NFAT5: variants seen among roughly 807,000 people sequenced by gnomAD.
NFAT5 encodes the protein nuclear factor of activated T-cells 5.
NFAT5 carries 31 observed loss-of-function variants against 166.5 expected under a neutral mutation model. The ratio of observed to expected loss-of-function variants is 0.19; its 90% CI spans 0.14 to 0.25. The LOEUF (loss-of-function observed/expected upper bound fraction) is 0.25, where lower values mean the gene tolerates loss of function less well. Ranked by LOEUF, NFAT5 falls within the 10% of genes least tolerant of loss-of-function variation. The pLI, the probability that NFAT5 is intolerant of heterozygous loss-of-function variation, is 1.00. For synonymous variants in NFAT5, 612 were observed against 639.7 expected (o/e 0.96, Z 0.65); for missense variants, 1,449 against 1,821.8 (o/e 0.80, Z 3.72).
At chr16:69,570,730 A>T (rs2142896220) in intron 2 of NFAT5, among the ~76,000 whole-genome samples, 1 of 152,246 alleles carries the variant, frequency 6.6e-6, no homozygotes, top group South Asian at 2.1e-4. Context: ...CGCTTCTAGT[A>T]TATAGTATAT....
chr16:69,687,157 C>G (rs1322523845), intron 11 of NFAT5, among the ~76,000 whole-genome samples: 1 of 151,978 alleles, frequency 6.6e-6, no homozygotes, highest in African/African-American at 2.4e-5. Flanking sequence ...AAAATTGGAA[C>G]AAGGCCAGAT....
chr16:69,570,553 T>C (rs2016368186), intron 2 of NFAT5, among the ~76,000 whole-genome samples: 1 of 140,282 alleles, frequency 7.1e-6, no homozygotes, highest in Non-Finnish European at 1.5e-5. Flanking sequence ...GACTTTCTTA[T>C]ATTAATTATT....
intron 10 of NFAT5, among the ~76,000 whole-genome samples, chr16:69,678,555 C>T (rs1418749878): frequency 2.0e-5 from 3 of 152,130 alleles, no homozygotes; most frequent in Non-Finnish European, 4.4e-5. Context: ...TATGAAGTGT[C>T]TCACAAGTTA....
At chr16:69,677,004 A>T (rs994122628) in intron 9 of NFAT5, 199 bp from the exon 10 acceptor site, 2 of 509,550 alleles carry the variant, frequency 3.9e-6, no homozygotes, top group African/African-American at 4.0e-5. Flanking sequence ...CTTGTAAGCC[A>T]TTATAAAACA....
At chr16:69,607,731 T>C (rs1474966649) in intron 2 of NFAT5, among the ~76,000 whole-genome samples, 1 of 152,222 alleles carries the variant, frequency 6.6e-6, no homozygotes, top group African/African-American at 2.4e-5. Flanking sequence ...ACTTGTGACT[T>C]CTTCTGAAAA....
Position 69,566,330 on chromosome 16 carries a change from G to C in NFAT5, c.29G>C (p.Ser10Thr). Residue 10 changes from serine (S) to threonine (T), a missense_variant, in exon 1 of 15, where the codon AGC becomes ACC. Ser to Thr is a moderately conservative substitution (Grantham distance 58, BLOSUM62 1). Around this residue, in one of 7 missense-constraint regions of NFAT5, gnomAD observed 172 missense variants for 194.5 expected, o/e 0.88. Transcript: ENST00000349945. This position sits in a 1 kb window ranked among gnomAD's most constrained non-coding sequence, Gnocchi z 5.7. MPSDFISLL[S>T]ADLDLESPKS... ...CCCTCGGACTTCATCTCATTGCTCA[G>C]CGCGGACCTAGACCTGGAATCGCCC... 7 of 1,608,750 alleles carry C rather than the reference G, an allele frequency of 4.4e-6. No individual in the cohort carries two copies. The highest frequency in any genetic ancestry group is 1.7e-5 in the Admixed American group (1 of 59,628).
chr16:69,570,587 A>G (rs2016370705), intron 2 of NFAT5, among the ~76,000 whole-genome samples: 1 of 151,950 alleles, frequency 6.6e-6, no homozygotes, highest in South Asian at 2.1e-4. Flanking sequence ...AATTGTTAAT[A>G]TAATTATTGT....
chr16:69,589,460 A>G (rs1261438069), intron 2 of NFAT5, among the ~76,000 whole-genome samples: 1 of 152,226 alleles, frequency 6.6e-6, no homozygotes, highest in African/African-American at 2.4e-5. Context: ...GCTATATAAT[A>G]AGACAGATAA....
At chr16:69,635,425 C>T (rs555278540) in intron 3 of NFAT5, among the ~76,000 whole-genome samples, 30 of 152,056 alleles carry the variant, frequency 2.0e-4, no homozygotes, top group Admixed American at 7.2e-4. Context: ...TTTGAAGTTT[C>T]GCACACCAGT....
intron 2 of NFAT5, among the ~76,000 whole-genome samples, chr16:69,598,589 G>T (rs922175014): frequency 3.3e-5 from 5 of 152,076 alleles, no homozygotes; most frequent in African/African-American, 1.2e-4. Flanking sequence ...AAATTGAGAT[G>T]CTTATGGGAT....
chr16:69,626,324 A>G (rs1008010326), intron 2 of NFAT5, 79 bp from the exon 3 acceptor site: 9 of 1,286,440 alleles, frequency 7.0e-6, no homozygotes, highest in Non-Finnish European at 9.5e-6. Flanking sequence ...GAGAAAAGAC[A>G]TACTCATTTT....
intron 2 of NFAT5, among the ~76,000 whole-genome samples, chr16:69,623,592 C>T (rs1037030642): frequency 6.6e-6 from 1 of 151,836 alleles, no homozygotes; most frequent in Non-Finnish European, 1.5e-5. Context: ...ACTGCAGCCT[C>T]CGCCTCCCAG....
At chr16:69,619,221 G>A (rs1019433108) in intron 2 of NFAT5, among the ~76,000 whole-genome samples, 3 of 152,144 alleles carry the variant, frequency 2.0e-5, no homozygotes, top group African/African-American at 7.2e-5. Context: ...AGGGAGGTAG[G>A]GATGAAAATT....
At chr16:69,586,308 T>C (rs2032060162) in intron 2 of NFAT5, among the ~76,000 whole-genome samples, 1 of 152,202 alleles carries the variant, frequency 6.6e-6, no homozygotes, top group Non-Finnish European at 1.5e-5. Context: ...ACATCTTTGA[T>C]AATCAAAAAC....
chr16:69,580,951 G>A lies in NFAT5; in HGVS notation c.127+12403G>A, dbSNP rs868634061. Among the ~76,000 whole-genome samples the A allele has an allele frequency of 5.9e-5, 9 of 152,118 alleles. 1 individual carries two copies. Among genetic ancestry groups the A allele is most frequent in the African/African-American group, 2.2e-4 (9 of 41,432 alleles). ...ATTACAGGCGTGAGCTGCCGCACCC[G>A]GCCGAAATCCAAATTCTTAAAACCT... is the stretch of plus-strand genomic sequence containing the variant. On this transcript the variant is annotated intron_variant, in intron 2 of 14. Transcript: ENST00000349945.
chr16:69,692,905 T>A lies in NFAT5; in HGVS notation c.3080T>A (p.Val1027Asp). 1 of 1,614,160 alleles carries A rather than the reference T, an allele frequency of 6.2e-7. No homozygotes were observed. The highest frequency in any genetic ancestry group is 8.5e-7 in the Non-Finnish European group (1 of 1,180,032). Residue 1027 changes from valine (V) to aspartate (D), a missense_variant, in exon 13 of 15, where the codon GTC (valine) becomes GAC (aspartate). Physicochemically the swap from Val to Asp is radical, Grantham distance 152 (BLOSUM62 -3). Around this residue, in one of 7 missense-constraint regions of NFAT5, gnomAD observed 891 missense variants for 993.0 expected, o/e 0.90. Coordinates refer to ENST00000349945, the MANE Select transcript of NFAT5 (RefSeq NM_138713.4). The stretch of plus-strand genomic sequence containing the variant: ...CAGAACAGTGTCTTTCAGACCATGG[T>A]CCAAATGCAACATAGTGGGGACAAT... ...QIQNSVFQTM[V>D]QMQHSGDNQP...
intron 7 of NFAT5, among the ~76,000 whole-genome samples, chr16:69,663,712 A>C (rs72783112): frequency 0.11 from 16,485 of 151,876 alleles, 1,067 homozygotes; most frequent in Non-Finnish European, 0.14. Context: ...TCCACACACA[A>C]AAAAAATGTT....
intron 9 of NFAT5, among the ~76,000 whole-genome samples, chr16:69,674,754 CAAAAT>C (rs1373646218): frequency 6.6e-6 from 1 of 152,034 alleles, no homozygotes; most frequent in African/African-American, 2.4e-5. Context: ...ATTAATGTGA[CAAAAT>C]AAAAAGTATC....
chr16:69,691,510 T>A (rs1286696145), intron 12 of NFAT5, among the ~76,000 whole-genome samples: 9 of 152,202 alleles, frequency 5.9e-5, no homozygotes, highest in African/African-American at 2.2e-4. Context: ...AATAGCCGAT[T>A]ATTCTACTTC....
Sources: gnomAD v4.1 joint callset for allele counts (sites outside exome capture counted in the v4.1 genomes callset) on GRCh38, gnomAD v4.1.1 for gene constraint, gnomAD v4.1.1 regional missense constraint, Gnocchi (gnomAD v3.1) non-coding constraint, MANE v1.5 for transcripts, NCBI Gene and HGNC (gene_info 2026-07-23, HGNC 2026-07-21) for gene names.